Variants in NKX6-1 observed in about 807,000 individuals in gnomAD.
The protein encoded by NKX6-1 is NK6 homeobox 1.
In NKX6-1, 11 loss-of-function variants were observed where a neutral mutation model predicts 24.9. The observed-to-expected ratio is 0.44, with a 90% CI of 0.28 to 0.73. The LOEUF is 0.73. NKX6-1 is among the 30% of genes least tolerant of loss of function. The probability of loss-of-function intolerance (pLI) is 0.15; values close to 1 mark genes in which losing one functional copy is unlikely to be tolerated. For synonymous variants in NKX6-1, 277 were observed against 242.9 expected, an observed-to-expected ratio of 1.14 and a Z score of -1.31; for missense variants, 487 against 502.9, an observed-to-expected ratio of 0.97 and a Z score of 0.30.
At chr4:84,496,488 A>C (rs1720824192) in intron 1 of NKX6-1, 1 of 152,320 alleles carries the variant, frequency 6.6e-6, no homozygotes, top group African/African-American at 2.4e-5. Context: ...GCTTCCCAAG[A>C]GAACCTCCAC....
rs1578469292 is a variant in NKX6-1, at chr4:84,497,800, A to G, written c.429T>C (p.Ala143=). The change falls in exon 1 of 3, where the codon GCT becomes GCC. Residue 143 remains alanine, a synonymous_variant. Transcript: ENST00000295886. This position sits in a 1 kb window ranked among gnomAD's most constrained non-coding sequence, Gnocchi z 4.8. ...ASSASAAAAA[A]AAAAAAASSP... is the part of the protein sequence containing the mutation. Reference sequence around the variant, plus strand: ...ATGAGGCGGCGGCTGCGGCCGCGGCAGCAGCCGCGGCGGCGGCAGAGGCGG... The same window carrying G: ...ATGAGGCGGCGGCTGCGGCCGCGGCGGCAGCCGCGGCGGCGGCAGAGGCGG... 2 of 1,267,826 alleles carry G rather than the reference A, an allele frequency of 1.6e-6. No individual in the cohort carries two copies. Among genetic ancestry groups the G allele is most frequent in the Non-Finnish European group, 2.0e-6 (2 of 1,009,898 alleles). The allele number at this position is 1,267,826 out of a possible 1,614,324, so 78.5% of individuals were successfully genotyped here. A position where few individuals can be genotyped will look rare whatever the true frequency, so the allele number is the denominator to read the frequency against.
Position 84,498,150 on chromosome 4 carries a change from T to C in NKX6-1, c.79A>G (p.Ser27Gly). The C allele has an allele frequency of 7.7e-7, 1 of 1,293,320 alleles. No individual in the cohort carries two copies. The highest frequency in any genetic ancestry group is 9.8e-7 in the Non-Finnish European group (1 of 1,020,558). 80.1% of individuals were successfully genotyped at this position (1,293,320 alleles called of 1,614,324 possible). The change falls in exon 1 of 3, where the codon AGC becomes GGC. Residue 27 changes from serine to glycine, a missense_variant. Around this residue, in one of 3 missense-constraint regions of NKX6-1, gnomAD observed 316 missense variants for 311.4 expected, o/e 1.01. Transcript: ENST00000295886. The part of the protein sequence containing the change: ...LSSPPLAALH[S>G]MAEMKTPLYP... Reference sequence around the variant, plus strand: ...AGCGGGGTCTTCATCTCGGCCATGCTGTGCAGGGCGGCCAGGGGAGGGCTG... The same window carrying C: ...AGCGGGGTCTTCATCTCGGCCATGCCGTGCAGGGCGGCCAGGGGAGGGCTG...
At chr4:84,494,597 T>G (rs1720784952) in intron 2 of NKX6-1, among the ~76,000 whole-genome samples, 1 of 152,156 alleles carries the variant, frequency 6.6e-6, no homozygotes, top group South Asian at 2.1e-4. Context: ...ATATTTACGG[T>G]GAAAAATGAA....
At chr4:84,496,696 CT>C (rs1720828769) in intron 1 of NKX6-1, 1 of 152,314 alleles carries the variant, frequency 6.6e-6, no homozygotes, top group African/African-American at 2.4e-5. Flanking sequence ...CTAGCGTGAT[CT>C]TGGGGCAACT....
chr4:84,493,343 G>A lies in NKX6-1; in HGVS notation c.1050C>T (p.Ser350=), dbSNP rs1259615890. Residue 350 remains serine, a synonymous_variant, in exon 3 of 3, where the codon AGC becomes AGT. Transcript: ENST00000295886. The surrounding 1 kb of genome is among the most constrained non-coding windows in gnomAD (Gnocchi z 5.1). ...TQLLKKHKSS[S]GGGGGLLLHA... is the part of the protein sequence containing the mutation. ...GCAGTAGGAGGCCGCCGCCGCCGCC[G>A]CTGCTGGACTTGTGCTTCTTCAACA... 8.7e-6 allele frequency: 14 copies of A among 1,612,464 alleles called. No individual in the cohort carries two copies. The highest frequency in any genetic ancestry group is 9.3e-6 in the Non-Finnish European group (11 of 1,179,508).
In NKX6-1 at chr4:84,497,781, C is replaced by A; in HGVS notation, c.448G>T (p.Ala150Ser). ...AAAAAAAAAAASSPAGLLAGL... is the reference protein window; with the variant it reads ...AAAAAAAAAASSSPAGLLAGL... ...GCCAGCAGCCCCGCCGGGGATGAGGCGGCGGCTGCGGCCGCGGCAGCAGCC... is the reference window on the plus strand; with the variant it reads ...GCCAGCAGCCCCGCCGGGGATGAGGAGGCGGCTGCGGCCGCGGCAGCAGCC... Residue 150 changes from alanine to serine, a missense_variant, in exon 1 of 3, where the codon GCC becomes TCC. Ala to Ser is a moderately conservative substitution (Grantham distance 99, BLOSUM62 1). Around this residue, in one of 3 missense-constraint regions of NKX6-1, gnomAD observed 316 missense variants for 311.4 expected, o/e 1.01. Coordinates refer to ENST00000295886, the MANE Select transcript of NKX6-1 (RefSeq NM_006168.3). The surrounding 1 kb of genome is among the most constrained non-coding windows in gnomAD (Gnocchi z 4.8). 7.9e-7 allele frequency: 1 copy of A among 1,272,416 alleles called. No individual in the cohort carries two copies. The highest frequency in any genetic ancestry group is 9.9e-7 in the Non-Finnish European group (1 of 1,012,930). The allele number at this position is 1,272,416 out of a possible 1,614,324, so 78.8% of individuals were successfully genotyped here.
In NKX6-1 at chr4:84,493,482, T is replaced by C. The variant is rs1720766245; in HGVS notation, c.911A>G (p.Lys304Arg). 2 of 1,614,140 alleles carry C rather than the reference T, an allele frequency of 1.2e-6. No individual in the cohort carries two copies. Among genetic ancestry groups the C allele is most frequent in the South Asian group, 1.1e-5 (1 of 91,092 alleles). The change falls in exon 3 of 3, where the codon AAG (lysine) becomes AGG (arginine). Residue 304 changes from lysine (K) to arginine (R), a missense_variant. Physicochemically the swap from Lys to Arg is conservative, Grantham distance 26. Coordinates refer to ENST00000295886, the MANE Select transcript of NKX6-1 (RefSeq NM_006168.3). This position sits in a 1 kb window ranked among gnomAD's most constrained non-coding sequence, Gnocchi z 5.1. ...KHAAEMATAKKKQDSETERLK... is the reference protein window; with the variant it reads ...KHAAEMATAKRKQDSETERLK... ...GCGCTCTGTCTCCGAGTCCTGCTTC[T>C]TCTTGGCCGTGGCCATCTCGGCAGC...
In NKX6-1 at chr4:84,497,515, C is replaced by G; in HGVS notation, c.670+44G>C. 8.0e-7 allele frequency: 1 copy of G among 1,252,446 alleles called. No individual in the cohort carries two copies. Among genetic ancestry groups the G allele is most frequent in the South Asian group, 4.0e-5 (1 of 25,058 alleles). The allele number at this position is 1,252,446 out of a possible 1,614,324, so 77.6% of individuals were successfully genotyped here. A position where few individuals can be genotyped will look rare whatever the true frequency, so the allele number is the denominator to read the frequency against. On this transcript the variant is annotated intron_variant, in intron 1 of 2. Coordinates refer to ENST00000295886, the MANE Select transcript of NKX6-1 (RefSeq NM_006168.3). This position sits in a 1 kb window ranked among gnomAD's most constrained non-coding sequence, Gnocchi z 4.8. The stretch of plus-strand genomic sequence containing the variant: ...GGCCGCGACCCGGGAGTGGGCAGAA[C>G]AGGCACGGCAGGCAGGCATCGGGGC...
chr4:84,493,069 T>G lies in NKX6-1; in HGVS notation c.*220A>C, dbSNP rs979974588. ...AGTGCATTTGGTGGTCTTTCTTGCC[T>G]TATCAACCCCGGAGTCTCTCTCCCC... On this transcript the variant is annotated 3_prime_UTR_variant, in exon 3 of 3. Transcript: ENST00000295886. The surrounding 1 kb of genome is among the most constrained non-coding windows in gnomAD (Gnocchi z 5.1). 2 of 379,420 alleles carry G rather than the reference T, an allele frequency of 5.3e-6. No homozygotes were observed. Among genetic ancestry groups the G allele is most frequent in the Non-Finnish European group, 9.2e-6 (2 of 217,830 alleles). The allele number at this position is 379,420 out of a possible 1,614,324, so 23.5% of individuals were successfully genotyped here. A position where few individuals can be genotyped will look rare whatever the true frequency, so the allele number is the denominator to read the frequency against.
intron 1 of NKX6-1, 116 bp from the exon 2 acceptor site, chr4:84,495,960 C>T: frequency 9.8e-7 from 1 of 1,025,608 alleles, no homozygotes; most frequent in Non-Finnish European, 1.5e-6. Flanking sequence ...AAAGCTCAGT[C>T]TGTGGCGGAC....
In NKX6-1 at chr4:84,498,328, G is replaced by A. The variant is rs1720873622; in HGVS notation, c.-100C>T. The A allele has an allele frequency of 8.1e-7, 1 of 1,230,556 alleles. No homozygotes were observed. The highest frequency in any genetic ancestry group is 3.7e-5 in the Admixed American group (1 of 27,024). 76.2% of individuals were successfully genotyped at this position (1,230,556 alleles called of 1,614,324 possible). A position where few individuals can be genotyped will look rare whatever the true frequency, so the allele number is the denominator to read the frequency against. On this transcript the variant is annotated 5_prime_UTR_variant, in exon 1 of 3. Transcript: ENST00000295886. ...CGGAAGCGCCGAGGGCGCGAGCGGA[G>A]AGGCACTCGGCGCGCCCGGAGGCGA...
chr4:84,497,749 C>T lies in NKX6-1; in HGVS notation c.480G>A (p.Leu160=). 1 of 1,279,254 alleles carries T rather than the reference C, an allele frequency of 7.8e-7. No individual in the cohort carries two copies. The highest frequency in any genetic ancestry group is 9.9e-7 in the Non-Finnish European group (1 of 1,015,146). 79.2% of individuals were successfully genotyped at this position (1,279,254 alleles called of 1,614,324 possible). ...ASSPAGLLAG[L]PRFSSLSPPP... ...GCGGGCTCAGGCTGCTAAAGCGTGG[C>T]AGTCCGGCCAGCAGCCCCGCCGGGG... is the stretch of plus-strand genomic sequence containing the variant. Residue 160 remains leucine, a synonymous_variant, in exon 1 of 3, where the codon CTG becomes CTA. Coordinates refer to ENST00000295886, the MANE Select transcript of NKX6-1 (RefSeq NM_006168.3). The surrounding 1 kb of genome is among the most constrained non-coding windows in gnomAD (Gnocchi z 4.8).
Position 84,493,478 on chromosome 4 carries a change from C to G in NKX6-1, c.915G>C (p.Lys305Asn). ...HAAEMATAKK[K>N]QDSETERLKG... ...TGAGGCGCTCTGTCTCCGAGTCCTG[C>G]TTCTTCTTGGCCGTGGCCATCTCGG... Residue 305 changes from lysine to asparagine, a missense_variant, in exon 3 of 3, where the codon AAG becomes AAC. Lys to Asn is a moderately conservative substitution (Grantham distance 94, BLOSUM62 0). This residue lies in a region of NKX6-1 where 126 missense variants were observed against 105.5 expected (regional missense o/e 1.19). Transcript: ENST00000295886. This position sits in a 1 kb window ranked among gnomAD's most constrained non-coding sequence, Gnocchi z 5.1. 1.2e-6 allele frequency: 2 copies of G among 1,614,262 alleles called. No homozygotes were observed. Among genetic ancestry groups the G allele is most frequent in the Non-Finnish European group, 1.7e-6 (2 of 1,180,040 alleles).
Position 84,493,032 on chromosome 4 carries a change from C to G in NKX6-1, c.*257G>C, listed in dbSNP as rs1720753882. The G allele has an allele frequency of 3.5e-6, 1 of 288,336 alleles. No individual in the cohort carries two copies. The highest frequency in any genetic ancestry group is 2.2e-5 in the African/African-American group (1 of 45,762). The allele number at this position is 288,336 out of a possible 1,614,324, so 17.9% of individuals were successfully genotyped here. A position where few individuals can be genotyped will look rare whatever the true frequency, so the allele number is the denominator to read the frequency against. On this transcript the variant is annotated 3_prime_UTR_variant, in exon 3 of 3. Coordinates refer to ENST00000295886, the MANE Select transcript of NKX6-1 (RefSeq NM_006168.3). This position sits in a 1 kb window ranked among gnomAD's most constrained non-coding sequence, Gnocchi z 5.1. ...GTGGCCCGGCTGCGGGTTTCAGTAG[C>G]GACATTTACGCAGTGCATTTGGTGG...
In NKX6-1 at chr4:84,497,489, G is replaced by C; in HGVS notation, c.670+70C>G. On this transcript the variant is annotated intron_variant, in intron 1 of 2. Coordinates refer to ENST00000295886, the MANE Select transcript of NKX6-1 (RefSeq NM_006168.3). This position sits in a 1 kb window ranked among gnomAD's most constrained non-coding sequence, Gnocchi z 4.8. ...ATGGACTGAGCGGCATGCACACCAG[G>C]GGCCGCGACCCGGGAGTGGGCAGAA... 2 of 1,249,020 alleles carry C rather than the reference G, an allele frequency of 1.6e-6. No individual in the cohort carries two copies. The highest frequency in any genetic ancestry group is 2.0e-6 in the Non-Finnish European group (2 of 988,596). 77.4% of individuals were successfully genotyped at this position (1,249,020 alleles called of 1,614,324 possible).
At position 84,492,128 on chromosome 4, in the gene NKX6-1, C is replaced by T. The variant is rs1222848955; in HGVS notation, c.*1161G>A. Reference sequence around the variant, plus strand: ...ATAAAGGTTAAAGATGCTAATATATCACCATTATTAGCTGTAAAAAGAAAA... The same window carrying T: ...ATAAAGGTTAAAGATGCTAATATATTACCATTATTAGCTGTAAAAAGAAAA... On this transcript the variant is annotated 3_prime_UTR_variant, in exon 3 of 3. Transcript: ENST00000295886. The T allele has an allele frequency of 2.0e-5, 3 of 152,148 alleles. No homozygotes were observed. Among genetic ancestry groups the T allele is most frequent in the African/African-American group, 7.2e-5 (3 of 41,424 alleles). The allele number at this position is 152,148 out of a possible 1,614,324, so 9.4% of individuals were successfully genotyped here.
In NKX6-1 at chr4:84,498,460, A is replaced by G. The variant is rs749686337; in HGVS notation, c.-232T>C. ...GAGGCGGCAGCTCGCCGAGAAAAGC[A>G]GGCGTCCCGGCGGGCTAGGCAGTCC... On this transcript the variant is annotated 5_prime_UTR_variant, in exon 1 of 3. Coordinates refer to ENST00000295886, the MANE Select transcript of NKX6-1 (RefSeq NM_006168.3). The G allele has an allele frequency of 3.7e-4, 149 of 407,614 alleles. No homozygotes were observed. Among genetic ancestry groups the G allele is most frequent in the Non-Finnish European group, 5.3e-4 (125 of 236,238 alleles). 25.2% of individuals were successfully genotyped at this position (407,614 alleles called of 1,614,324 possible). A position where few individuals can be genotyped will look rare whatever the true frequency, so the allele number is the denominator to read the frequency against.
Position 84,498,318 on chromosome 4 carries a change from C to T in NKX6-1, c.-90G>A, listed in dbSNP as rs554305633. The stretch of plus-strand genomic sequence containing the variant: ...TCAGAGGAGCCGGAAGCGCCGAGGG[C>T]GCGAGCGGAGAGGCACTCGGCGCGC... On this transcript the variant is annotated 5_prime_UTR_variant, in exon 1 of 3. Coordinates refer to ENST00000295886, the MANE Select transcript of NKX6-1 (RefSeq NM_006168.3). The T allele has an allele frequency of 8.0e-7, 1 of 1,252,730 alleles. No individual in the cohort carries two copies. Among genetic ancestry groups the T allele is most frequent in the Non-Finnish European group, 1.0e-6 (1 of 997,678 alleles). The allele number at this position is 1,252,730 out of a possible 1,614,324, so 77.6% of individuals were successfully genotyped here. A position where few individuals can be genotyped will look rare whatever the true frequency, so the allele number is the denominator to read the frequency against.
rs1386739293 is a variant in NKX6-1 at position 84,498,376 on chromosome 4, C to T, written c.-148G>A. The T allele has an allele frequency of 2.3e-6, 2 of 878,692 alleles. No individual in the cohort carries two copies. The highest frequency in any genetic ancestry group is 3.3e-5 in the East Asian group (1 of 30,078). 54.4% of individuals were successfully genotyped at this position (878,692 alleles called of 1,614,324 possible). ...CGAGCTGCCAACTGAACCAAAAATG[C>T]CGCTGCCGGGAGTTGCTCGCCTAGC... On this transcript the variant is annotated 5_prime_UTR_variant, in exon 1 of 3. Transcript: ENST00000295886.
Sources: gnomAD v4.1 joint callset for allele counts (sites outside exome capture counted in the v4.1 genomes callset) on GRCh38, gnomAD v4.1.1 for gene constraint, gnomAD v4.1.1 regional missense constraint, Gnocchi (gnomAD v3.1) non-coding constraint, MANE v1.5 for transcripts, NCBI Gene and HGNC (gene_info 2026-07-23, HGNC 2026-07-21) for gene names.